The following FAM168B variants were observed in gnomAD, a reference collection of about 807,000 sequenced individuals.
FAM168B encodes the protein family with sequence similarity 168 member B, also known as myelin-associated neurite-outgrowth inhibitor.
In FAM168B, 19 loss-of-function variants were observed where a neutral mutation model predicts 21.8. That is an observed-to-expected ratio of 0.87 (90% CI 0.61 to 1.28). FAM168B has a LOEUF of 1.28. Among genes scored for constraint, FAM168B ranks in the 50% most tolerant of loss-of-function variants. FAM168B has a pLI of 0.00. For synonymous variants in FAM168B, 126 were observed against 104.8 expected (o/e 1.20, Z -1.24); for missense variants, 233 against 263.1 (o/e 0.89, Z 0.79).
chr2:131,050,341 C>T lies in FAM168B; in HGVS notation c.*2124G>A. ...TATTTTATCCTAATCTATTAGCACTCAATTGGGAAAAAAGACTTCTCTGCT... is the reference window on the plus strand; with the variant it reads ...TATTTTATCCTAATCTATTAGCACTTAATTGGGAAAAAAGACTTCTCTGCT... On this transcript the variant is annotated 3_prime_UTR_variant, in exon 7 of 7. Transcript: ENST00000389915. 2 of 985,528 alleles carry T rather than the reference C, an allele frequency of 2.0e-6. No individual in the cohort carries two copies. Among genetic ancestry groups the T allele is most frequent in the Non-Finnish European group, 2.4e-6 (2 of 829,930 alleles). The allele number at this position is 985,528 out of a possible 1,614,324, so 61.0% of individuals were successfully genotyped here.
rs1002604156 is a variant in FAM168B, at chr2:131,055,629, G to A, written c.221C>T (p.Ser74Phe). ...AGTCTGGTAGGGGTTCGGGGAGGAGGAGTACGGTGGCACAGCCCCGCTGGT... is the reference window on the plus strand; with the variant it reads ...AGTCTGGTAGGGGTTCGGGGAGGAGAAGTACGGTGGCACAGCCCCGCTGGT... ...SPTSGAVPPY[S>F]SSPNPYQTAV... is the part of the protein sequence containing the mutation. The change falls in exon 4 of 7, where the codon TCC becomes TTC. Residue 74 changes from serine to phenylalanine, a missense_variant. By Grantham distance (155) the Ser-to-Phe change is radical. Coordinates refer to ENST00000389915, the MANE Select transcript of FAM168B (RefSeq NM_001009993.4). The A allele has an allele frequency of 1.2e-6, 2 of 1,612,832 alleles. No individual in the cohort carries two copies. The highest frequency in any genetic ancestry group is 1.3e-5 in the African/African-American group (1 of 74,908).
At chr2:131,089,694 G>A (rs937213405) in intron 1 of FAM168B, among the ~76,000 whole-genome samples, 1 of 148,540 alleles carries the variant, frequency 6.7e-6, no homozygotes, top group African/African-American at 2.5e-5. Context: ...CTCCAGTCTG[G>A]GCAACAGAGC....
intron 2 of FAM168B, among the ~76,000 whole-genome samples, chr2:131,082,299 GAGA>G (rs1424323911): frequency 3.3e-5 from 5 of 152,180 alleles, no homozygotes; most frequent in Admixed American, 2.0e-4. Context: ...AGACCACAAT[GAGA>G]AGGAGTGGGA....
intron 1 of FAM168B, among the ~76,000 whole-genome samples, chr2:131,089,220 C>A (rs904139241): frequency 6.6e-5 from 10 of 151,896 alleles, no homozygotes; most frequent in African/African-American, 2.4e-4. Flanking sequence ...CCAGTCTTGG[C>A]CTCCCAAAGT....
At chr2:131,058,427 T>C (rs988789755) in intron 3 of FAM168B, among the ~76,000 whole-genome samples, 3 of 152,188 alleles carry the variant, frequency 2.0e-5, no homozygotes, top group African/African-American at 4.8e-5. Context: ...CAGGTGGTCC[T>C]GTCCTATGCA....
At chr2:131,075,012 T>C (rs1693064216) in intron 2 of FAM168B, among the ~76,000 whole-genome samples, 1 of 152,136 alleles carries the variant, frequency 6.6e-6, no homozygotes, top group African/African-American at 2.4e-5. Context: ...GCAGAAGCCA[T>C]TCCGGGTTTC....
intron 1 of FAM168B, among the ~76,000 whole-genome samples, chr2:131,085,117 G>A (rs990859679): frequency 6.6e-5 from 10 of 152,078 alleles, no homozygotes; most frequent in African/African-American, 2.4e-4. Context: ...GGAACTCTCT[G>A]TACCTTCTGC....
At chr2:131,070,521 T>G (rs530171371) in intron 3 of FAM168B, among the ~76,000 whole-genome samples, 6 of 152,218 alleles carry the variant, frequency 3.9e-5, no homozygotes, top group Non-Finnish European at 5.9e-5. Context: ...ACACTTGCCA[T>G]AATAACCAGC....
intron 3 of FAM168B, among the ~76,000 whole-genome samples, chr2:131,062,513 T>A (rs1287859484): frequency 6.6e-6 from 1 of 152,234 alleles, no homozygotes; most frequent in Non-Finnish European, 1.5e-5. Context: ...AGCGGTGCTA[T>A]CTCAGCTCAC....
In FAM168B at chr2:131,048,301, G is replaced by T; in HGVS notation, c.*4164C>A. The T allele has an allele frequency of 2.3e-6, 3 of 1,304,220 alleles. No individual in the cohort carries two copies. Among genetic ancestry groups the T allele is most frequent in the East Asian group, 5.5e-5 (1 of 18,028 alleles). 80.8% of individuals were successfully genotyped at this position (1,304,220 alleles called of 1,614,324 possible). ...AACGGCTGGCCTGAGATCTGGCCCAGCTGCCTTGCCCACTGGTCTGCACAG... is the reference window on the plus strand; with the variant it reads ...AACGGCTGGCCTGAGATCTGGCCCATCTGCCTTGCCCACTGGTCTGCACAG... On this transcript the variant is annotated 3_prime_UTR_variant, in exon 7 of 7. Transcript: ENST00000389915.
chr2:131,089,682 C>T (rs556663118), intron 1 of FAM168B, among the ~76,000 whole-genome samples: 1 of 149,116 alleles, frequency 6.7e-6, no homozygotes, highest in South Asian at 2.1e-4. Flanking sequence ...GGCGCCACTG[C>T]ACTCCAGTCT....
chr2:131,088,058 C>A (rs1311763290), intron 1 of FAM168B, among the ~76,000 whole-genome samples: 2 of 152,098 alleles, frequency 1.3e-5, no homozygotes, highest in African/African-American at 2.4e-5. Flanking sequence ...CCAGCCTGGG[C>A]AACATGGTGA....
At chr2:131,055,829 C>T in intron 3 of FAM168B, 134 bp from the exon 4 acceptor site, 1 of 998,966 alleles carries the variant, frequency 1.0e-6, no homozygotes, top group African/African-American at 1.6e-5. Context: ...GCCGCCCCCA[C>T]TCTCCTCCAC....
At chr2:131,075,837 A>G (rs1457610164) in intron 2 of FAM168B, among the ~76,000 whole-genome samples, 2 of 152,084 alleles carry the variant, frequency 1.3e-5, no homozygotes, top group Non-Finnish European at 2.9e-5. Flanking sequence ...AACAGCAAAC[A>G]CACACGATAG....
chr2:131,051,468 CA>C lies in FAM168B; in HGVS notation c.*996del. ...AATGCCTACCTGTTTTCAGCTGATT[CA>C]AACATTTCTCCAGGAAAAAAAAAAA... On this transcript the variant is annotated 3_prime_UTR_variant, in exon 7 of 7. Coordinates refer to ENST00000389915, the MANE Select transcript of FAM168B (RefSeq NM_001009993.4). The C allele has an allele frequency of 1.0e-6, 1 of 976,880 alleles. No individual in the cohort carries two copies. Among genetic ancestry groups the C allele is most frequent in the Non-Finnish European group, 1.2e-6 (1 of 827,346 alleles). 60.5% of individuals were successfully genotyped at this position (976,880 alleles called of 1,614,324 possible).
rs1237399583 is a variant in FAM168B, at chr2:131,091,657, AAAAG to A, written c.-12+1553_-12+1556del. On this transcript the variant is annotated intron_variant, in intron 1 of 6. Transcript: ENST00000389915. Reference sequence around the variant, plus strand: ...GCGACACTCCGTCTCACAAAAAAAAAAAAGAAAAAAGAAAAGAAGTTCTCTCCCC... The same window carrying A: ...GCGACACTCCGTCTCACAAAAAAAAAAAAAAAGAAAAGAAGTTCTCTCCCC... Among the ~76,000 whole-genome samples, 403 of 151,882 alleles carry A rather than the reference AAAAG, an allele frequency of 2.7e-3. 7 individuals are homozygous for A. Among genetic ancestry groups the A allele is most frequent in the Admixed American group, 0.023 (344 of 15,218 alleles).
chr2:131,049,170 G>A lies in FAM168B; in HGVS notation c.*3295C>T, dbSNP rs535799771. On this transcript the variant is annotated 3_prime_UTR_variant, in exon 7 of 7. Transcript: ENST00000389915. ...TTGCTGTAATAATGTATTTCCTCTC[G>A]TTACTGTTGTGTCCCCCAAGACACA... The A allele has an allele frequency of 8.8e-5, 87 of 985,350 alleles. No homozygotes were observed. In the African/African-American group the frequency reaches 1.3e-3, roughly 15 times the overall value. The allele number at this position is 985,350 out of a possible 1,614,324, so 61.0% of individuals were successfully genotyped here.
At chr2:131,074,265 A>G (rs1157476519) in intron 2 of FAM168B, among the ~76,000 whole-genome samples, 1 of 151,990 alleles carries the variant, frequency 6.6e-6, no homozygotes, top group Non-Finnish European at 1.5e-5. Context: ...AGTAGCTGGG[A>G]TTTCGGGCAC....
chr2:131,061,165 A>C (rs1692275534), intron 3 of FAM168B, among the ~76,000 whole-genome samples: 1 of 138,176 alleles, frequency 7.2e-6, no homozygotes, highest in African/African-American at 2.6e-5. Flanking sequence ...TTTTTTAATA[A>C]GGTGGAAGGC....
Sources: gnomAD v4.1 joint callset for allele counts (sites outside exome capture counted in the v4.1 genomes callset) on GRCh38, gnomAD v4.1.1 for gene constraint, MANE v1.5 for transcripts, NCBI Gene and HGNC (gene_info 2026-07-23, HGNC 2026-07-21) for gene names.